NACC1: variants seen among roughly 807,000 people sequenced by gnomAD.
NACC1 encodes the protein nucleus accumbens-associated protein 1.
Under a neutral mutation model 41.7 loss-of-function variants are expected in NACC1, and 6 were observed. That is an observed-to-expected ratio of 0.14 (90% CI 0.08 to 0.28). The LOEUF is 0.28. NACC1 is among the 10% of genes least tolerant of loss of function. NACC1 has a pLI of 1.00. For missense variants in NACC1, 434 were observed against 763.7 expected (o/e 0.57, Z 5.09); for synonymous variants, 338 against 330.6 (o/e 1.02, Z -0.24).
Position 13,136,378 on chromosome 19 carries a change from C to T in NACC1, c.1093C>T (p.Pro365Ser). 1.2e-6 allele frequency: 2 copies of T among 1,613,752 alleles called. No homozygotes were observed. The highest frequency in any genetic ancestry group is 1.7e-6 in the Non-Finnish European group (2 of 1,179,834). The change falls in exon 3 of 6, where the codon CCC becomes TCC. Residue 365 changes from proline to serine, a missense_variant. Pro to Ser is a moderately conservative substitution (Grantham distance 74, BLOSUM62 -1). Coordinates refer to ENST00000292431, the MANE Select transcript of NACC1 (RefSeq NM_052876.4). The surrounding 1 kb of genome is among the most constrained non-coding windows in gnomAD (Gnocchi z 5.5). ...CCCCAAGCTCTACGACGAGGGCGACCCCTCTGAGAAGCTGGAGCTGGTGAC... is the reference window on the plus strand; with the variant it reads ...CCCCAAGCTCTACGACGAGGGCGACTCCTCTGAGAAGCTGGAGCTGGTGAC... ...CHPKLYDEGD[P>S]SEKLELVTGT...
intron 1 of NACC1, among the ~76,000 whole-genome samples, chr19:13,119,902 G>GT (rs1315269702): frequency 6.6e-6 from 1 of 152,210 alleles, no homozygotes; most frequent in African/African-American, 2.4e-5. Context: ...AGACGAGGAA[G>GT]CTGAGGCTCG....
At chr19:13,127,164 A>G (rs1356988264) in intron 1 of NACC1, among the ~76,000 whole-genome samples, 1 of 151,584 alleles carries the variant, frequency 6.6e-6, no homozygotes. Flanking sequence ...AAGAAGGATA[A>G]GTCAAGCAGG....
chr19:13,134,940 C>T (rs955025240), intron 1 of NACC1, among the ~76,000 whole-genome samples: 1 of 152,236 alleles, frequency 6.6e-6, no homozygotes, highest in African/African-American at 2.4e-5. Context: ...TTGCCCCCTC[C>T]TCTTTGCAAG....
Position 13,136,262 on chromosome 19 carries a change from T to C in NACC1, c.977T>C (p.Val326Ala), listed in dbSNP as rs1376920772. ...AEKVEALPEQ[V>A]APESRNRIRV... ...AAGGTGGAGGCCCTCCCGGAGCAGG[T>C]AGCCCCCGAGTCCCGAAATCGCATC... The change falls in exon 3 of 6, where the codon GTA becomes GCA. Residue 326 changes from valine (V) to alanine (A), a missense_variant. Transcript: ENST00000292431. This position sits in a 1 kb window ranked among gnomAD's most constrained non-coding sequence, Gnocchi z 5.5. 1 of 1,613,768 alleles carries C rather than the reference T, an allele frequency of 6.2e-7. No homozygotes were observed.
intron 1 of NACC1, among the ~76,000 whole-genome samples, chr19:13,120,368 G>A (rs1393606649): frequency 6.6e-6 from 1 of 152,076 alleles, no homozygotes; most frequent in Admixed American, 6.5e-5. Context: ...TTCCTTTCTG[G>A]GCTAATTGCA....
intron 1 of NACC1, among the ~76,000 whole-genome samples, chr19:13,125,979 C>T (rs1269050070): frequency 2.6e-5 from 4 of 151,632 alleles, no homozygotes; most frequent in Admixed American, 1.3e-4. Context: ...TCAGGTGATC[C>T]GCCCACCTCG....
Position 13,130,643 on chromosome 19 carries a change from C to G in NACC1, c.-8-4557C>G, listed in dbSNP as rs778436333. Among the ~76,000 whole-genome samples the G allele has an allele frequency of 9.4e-5, 14 of 149,000 alleles. 1 individual carries two copies. Among genetic ancestry groups the G allele is most frequent in the Non-Finnish European group, 1.9e-4 (13 of 67,720 alleles). On this transcript the variant is annotated intron_variant, in intron 1 of 5. Coordinates refer to ENST00000292431, the MANE Select transcript of NACC1 (RefSeq NM_052876.4). ...CTCCACCTCCCAAGTTCAAGTGATT[C>G]TCGTGCCTCAGCCTCCTGAGTAGCT...
intron 1 of NACC1, among the ~76,000 whole-genome samples, chr19:13,120,218 C>G (rs1433846694): frequency 6.6e-6 from 1 of 152,122 alleles, no homozygotes; most frequent in African/African-American, 2.4e-5. Flanking sequence ...TCCTGGGAGC[C>G]AAGAGGTCAG....
chr19:13,137,659 C>T lies in NACC1; in HGVS notation c.1324+84C>T. 4 of 1,171,700 alleles carry T rather than the reference C, an allele frequency of 3.4e-6. No individual in the cohort carries two copies. The highest frequency in any genetic ancestry group is 4.9e-6 in the Non-Finnish European group (4 of 823,940). 72.6% of individuals were successfully genotyped at this position (1,171,700 alleles called of 1,614,324 possible). ...TCCCAGCCTTGGCTCTCAGAGAGGGCTAGAGTTCAGTGTTGAGAAGCATTC... is the reference window on the plus strand; with the variant it reads ...TCCCAGCCTTGGCTCTCAGAGAGGGTTAGAGTTCAGTGTTGAGAAGCATTC... On this transcript the variant is annotated intron_variant, in intron 5 of 5. Transcript: ENST00000292431. This position sits in a 1 kb window ranked among gnomAD's most constrained non-coding sequence, Gnocchi z 6.1.
rs2019720091 is a variant in NACC1 at position 13,137,326 on chromosome 19, C to G, written c.1176C>G (p.Gly392=). 1.2e-6 allele frequency: 2 copies of G among 1,613,892 alleles called. No homozygotes were observed. The highest frequency in any genetic ancestry group is 1.7e-5 in the Admixed American group (1 of 59,992). Residue 392 remains glycine (G), a synonymous_variant, in exon 4 of 6, where the codon GGC becomes GGG. Coordinates refer to ENST00000292431, the MANE Select transcript of NACC1 (RefSeq NM_052876.4). This position sits in a 1 kb window ranked among gnomAD's most constrained non-coding sequence, Gnocchi z 6.1. ...TGATGAACTGCCACGTCAGCGCAGG[C>G]ACGCGGCACAAGGTCCTACTGCGGC... is the stretch of plus-strand genomic sequence containing the variant. The part of the protein sequence containing the change: ...AQLMNCHVSA[G]TRHKVLLRRL...
At position 13,139,911 on chromosome 19, in the gene NACC1, G is replaced by C. The variant is rs1038042002; in HGVS notation, c.*1505G>C. ...ATCCTTGTTTGTGTTTCTGGCCCTCGTCCTCCCTGCCTCTCATCTGCCTCC... is the reference window on the plus strand; with the variant it reads ...ATCCTTGTTTGTGTTTCTGGCCCTCCTCCTCCCTGCCTCTCATCTGCCTCC... On this transcript the variant is annotated 3_prime_UTR_variant, in exon 6 of 6. Transcript: ENST00000292431. The C allele has an allele frequency of 6.6e-6, 1 of 151,978 alleles. No homozygotes were observed. The highest frequency in any genetic ancestry group is 1.9e-4 in the East Asian group (1 of 5,174). 9.4% of individuals were successfully genotyped at this position (151,978 alleles called of 1,614,324 possible).
At position 13,137,689 on chromosome 19, in the gene NACC1, G is replaced by T; in HGVS notation, c.1324+114G>T. On this transcript the variant is annotated intron_variant, in intron 5 of 5. Transcript: ENST00000292431. This position sits in a 1 kb window ranked among gnomAD's most constrained non-coding sequence, Gnocchi z 6.1. ...GTTCAGTGTTGAGAAGCATTCTGGG[G>T]CTCATTCTAGCCTTGCTGGGAAACC... The T allele has an allele frequency of 2.4e-6, 2 of 832,680 alleles. No individual in the cohort carries two copies. Among genetic ancestry groups the T allele is most frequent in the Non-Finnish European group, 1.8e-6 (1 of 540,556 alleles). 51.6% of individuals were successfully genotyped at this position (832,680 alleles called of 1,614,324 possible).
Position 13,136,115 on chromosome 19 carries a change from T to C in NACC1, c.908T>C (p.Met303Thr). Residue 303 changes from methionine to threonine, a missense_variant, in exon 2 of 6, where the codon ATG becomes ACG. By Grantham distance (81) the Met-to-Thr change is moderately conservative (BLOSUM62 -1). Around this residue, in one of 4 missense-constraint regions of NACC1, gnomAD observed 234 missense variants for 308.3 expected, o/e 0.76. Transcript: ENST00000292431. This position sits in a 1 kb window ranked among gnomAD's most constrained non-coding sequence, Gnocchi z 5.5. Reference sequence around the variant, plus strand: ...GAGCAGTACCGGCAGATCTGCAACATGTACACCATGTACAGCATGATGAAC... The same window carrying C: ...GAGCAGTACCGGCAGATCTGCAACACGTACACCATGTACAGCATGATGAAC... ...MDEQYRQICN[M>T]YTMYSMMNVG... is the part of the protein sequence containing the mutation. 6.2e-7 allele frequency: 1 copy of C among 1,613,806 alleles called. No homozygotes were observed. Among genetic ancestry groups the C allele is most frequent in the Non-Finnish European group, 8.5e-7 (1 of 1,179,964 alleles).
At chr19:13,129,230 G>A (rs1205062636) in intron 1 of NACC1, among the ~76,000 whole-genome samples, 1 of 152,104 alleles carries the variant, frequency 6.6e-6, no homozygotes, top group Non-Finnish European at 1.5e-5. Context: ...GGGATTTGGT[G>A]GGGACTAGAA....
rs1338862317 is a variant in NACC1, at chr19:13,137,011, A to C, written c.1121-260A>C. 6.6e-6 allele frequency among the ~76,000 whole-genome samples: 1 copy of C among 152,226 alleles called. No individual in the cohort carries two copies. The highest frequency in any genetic ancestry group is 2.4e-5 in the African/African-American group (1 of 41,456). On this transcript the variant is annotated intron_variant, in intron 3 of 5. Transcript: ENST00000292431. The surrounding 1 kb of genome is among the most constrained non-coding windows in gnomAD (Gnocchi z 6.1). ...ACACAGGCTTGCGGCACGACTGGCCACACAGCAGGCACCCCGAGGATGGTG... is the reference window on the plus strand; with the variant it reads ...ACACAGGCTTGCGGCACGACTGGCCCCACAGCAGGCACCCCGAGGATGGTG...
At position 13,138,539 on chromosome 19, in the gene NACC1, C is replaced by G; in HGVS notation, c.*133C>G. ...TGCTGCATGTTCCCGGCCCTCTGCC[C>G]CTCCTGTCCTACCCCCTTTCCCCAC... On this transcript the variant is annotated 3_prime_UTR_variant, in exon 6 of 6. Coordinates refer to ENST00000292431, the MANE Select transcript of NACC1 (RefSeq NM_052876.4). This position sits in a 1 kb window ranked among gnomAD's most constrained non-coding sequence, Gnocchi z 5.7. The G allele has an allele frequency of 7.5e-7, 1 of 1,329,912 alleles. No homozygotes were observed. Among genetic ancestry groups the G allele is most frequent in the East Asian group, 2.5e-5 (1 of 39,810 alleles). The allele number at this position is 1,329,912 out of a possible 1,614,324, so 82.4% of individuals were successfully genotyped here. A position where few individuals can be genotyped will look rare whatever the true frequency, so the allele number is the denominator to read the frequency against.
intron 1 of NACC1, among the ~76,000 whole-genome samples, chr19:13,120,161 G>A (rs1034340408): frequency 1.1e-4 from 16 of 152,144 alleles, no homozygotes; most frequent in Admixed American, 2.0e-4. Context: ...TGGAACAGTG[G>A]AGGTATCTTT....
At position 13,137,375 on chromosome 19, in the gene NACC1, C is replaced by A. The variant is rs752068577; in HGVS notation, c.1225C>A (p.Arg409=). Residue 409 remains arginine, a splice_region_variant and synonymous_variant, in exon 4 of 6, where the codon CGG becomes AGG. Coordinates refer to ENST00000292431, the MANE Select transcript of NACC1 (RefSeq NM_052876.4). This position sits in a 1 kb window ranked among gnomAD's most constrained non-coding sequence, Gnocchi z 6.1. ...GCGGCTCCTGGCCTCCTTCTTTGACCGGTAAGGCCCTTGCCAGAGCCCCAG... is the reference window on the plus strand; with the variant it reads ...GCGGCTCCTGGCCTCCTTCTTTGACAGGTAAGGCCCTTGCCAGAGCCCCAG... ...LRRLLASFFD[R]NTLANSCGTG... 21 of 1,613,192 alleles carry A rather than the reference C, an allele frequency of 1.3e-5. No individual in the cohort carries two copies. The highest frequency in any genetic ancestry group is 1.6e-4 in the Middle Eastern group (1 of 6,078).
At chr19:13,124,642 C>T (rs1335960673) in intron 1 of NACC1, among the ~76,000 whole-genome samples, 1 of 152,202 alleles carries the variant, frequency 6.6e-6, no homozygotes, top group African/African-American at 2.4e-5. Context: ...ACCTGAGTAG[C>T]TGCCAGGATC....
Sources: gnomAD v4.1 joint callset for allele counts (sites outside exome capture counted in the v4.1 genomes callset) on GRCh38, gnomAD v4.1.1 for gene constraint, gnomAD v4.1.1 regional missense constraint, Gnocchi (gnomAD v3.1) non-coding constraint, MANE v1.5 for transcripts, NCBI Gene and HGNC (gene_info 2026-07-23, HGNC 2026-07-21) for gene names.